The following SLC16A12 variants were observed in gnomAD, a reference collection of about 807,000 sequenced individuals.
SLC16A12 encodes the protein monocarboxylate transporter 12.
A neutral mutation model predicts 42.4 loss-of-function variants in SLC16A12; 17 were observed. The observed-to-expected ratio is 0.40, with a 90% CI of 0.27 to 0.60. SLC16A12 has a LOEUF of 0.60. Ranked by LOEUF, SLC16A12 falls within the 20% of genes least tolerant of loss-of-function variation. SLC16A12 has a pLI of 0.42. For synonymous variants in SLC16A12, 224 were observed against 229.4 expected, an observed-to-expected ratio of 0.98 and a Z score of 0.21; for missense variants, 544 against 623.0, an observed-to-expected ratio of 0.87 and a Z score of 1.35.
chr10:89,556,365 C>T (rs1843815945), intron 1 of SLC16A12, among the ~76,000 whole-genome samples: 1 of 152,168 alleles, frequency 6.6e-6, no homozygotes, highest in Admixed American at 6.5e-5. Flanking sequence ...ATCTCTATCT[C>T]TATCTATCAA....
At chr10:89,489,547 A>G (rs1787606981) in intron 2 of SLC16A12, among the ~76,000 whole-genome samples, 1 of 151,900 alleles carries the variant, frequency 6.6e-6, no homozygotes, top group Non-Finnish European at 1.5e-5. Flanking sequence ...TCCCCATGTT[A>G]CCCAGGCTGG....
chr10:89,508,537 A>C (rs1048219592), intron 2 of SLC16A12, among the ~76,000 whole-genome samples: 3 of 152,134 alleles, frequency 2.0e-5, no homozygotes, highest in African/African-American at 4.8e-5. Flanking sequence ...AATGAGAAAA[A>C]AGACACAACA....
In SLC16A12 at chr10:89,432,391, C is replaced by A. The variant is rs1270683266; in HGVS notation, c.*673G>T. On this transcript the variant is annotated 3_prime_UTR_variant, in exon 8 of 8. Coordinates refer to ENST00000371790, the MANE Select transcript of SLC16A12 (RefSeq NM_213606.4). Reference sequence around the variant, plus strand: ...AGATGCCCTTTAAGATCTATTCCAACCATGGCATTCCATGATTATTTGGAT... The same window carrying A: ...AGATGCCCTTTAAGATCTATTCCAAACATGGCATTCCATGATTATTTGGAT... 6.6e-6 allele frequency: 1 copy of A among 152,200 alleles called. No individual in the cohort carries two copies. The highest frequency in any genetic ancestry group is 1.9e-4 in the East Asian group (1 of 5,202). The allele number at this position is 152,200 out of a possible 1,614,324, so 9.4% of individuals were successfully genotyped here.
At position 89,554,046 on chromosome 10, in the gene SLC16A12, AAGAAAG is replaced by A. The variant is rs1362673971; in HGVS notation, c.-47+1830_-47+1835del. On this transcript the variant is annotated intron_variant, in intron 2 of 2. Transcript: ENST00000475682. ...AAAGAGAGAAAGGAAGAAAGAAAGA[AAGAAAG>A]AAAGAAAGAAAGAAAGAAAGAAAGA... 4.1e-4 allele frequency among the ~76,000 whole-genome samples: 23 copies of A among 55,954 alleles called. 1 individual carries two copies. Among genetic ancestry groups the A allele is most frequent in the African/African-American group, 1.5e-3 (21 of 13,586 alleles). The allele number at this position is 55,954 out of a possible 152,430, so 36.7% of individuals were successfully genotyped here.
chr10:89,514,656 C>A (rs1347570528), intron 2 of SLC16A12, among the ~76,000 whole-genome samples: 1 of 152,220 alleles, frequency 6.6e-6, no homozygotes, highest in Non-Finnish European at 1.5e-5. Context: ...CTAATCACTT[C>A]TCAAAGGCCC....
rs992010183 is a variant in SLC16A12, at chr10:89,507,447, A to G, written c.-47+27054T>C. On this transcript the variant is annotated intron_variant, in intron 2 of 7. Transcript: ENST00000371790. ...ACATTCTTAAAGAAAAGAATTTTCC[A>G]CCCAGAATTTCATATCCAGCCAAAC... Among the ~76,000 whole-genome samples, 11 of 152,366 alleles carry G rather than the reference A, an allele frequency of 7.2e-5. No individual in the cohort carries two copies. In the East Asian group the frequency reaches 1.9e-3, roughly 27 times the overall value.
intron 3 of SLC16A12, among the ~76,000 whole-genome samples, chr10:89,458,254 C>T (rs74894530): frequency 1.8e-4 from 27 of 152,062 alleles, no homozygotes; most frequent in Non-Finnish European, 3.4e-4. Context: ...TCTGGCCAAA[C>T]GAGGCAGGGG....
chr10:89,448,258 A>G (rs1297171373), intron 3 of SLC16A12, among the ~76,000 whole-genome samples: 1 of 152,202 alleles, frequency 6.6e-6, no homozygotes, highest in African/African-American at 2.4e-5. Flanking sequence ...AACTCATTTT[A>G]TGAGGTGAGC....
At chr10:89,519,750 G>A (rs1193816738) in intron 2 of SLC16A12, among the ~76,000 whole-genome samples, 1 of 152,018 alleles carries the variant, frequency 6.6e-6, no homozygotes, top group African/African-American at 2.4e-5. Context: ...GGGGTCCGAG[G>A]AAAAGAATGT....
intron 3 of SLC16A12, 88 bp downstream of exon 3, chr10:89,462,291 A>G (rs1172984597): frequency 2.6e-6 from 4 of 1,565,476 alleles, no homozygotes; most frequent in Admixed American, 1.7e-5. Flanking sequence ...TATCTTCACA[A>G]TGATGGGTTC....
At position 89,520,721 on chromosome 10, in the gene SLC16A12, A is replaced by AG. The variant is rs1491545998; in HGVS notation, c.-47+13779_-47+13780insC. 5.5e-4 allele frequency among the ~76,000 whole-genome samples: 8 copies of AG among 14,586 alleles called. No homozygotes were observed. The African/African-American group carries it at 7.4e-3, about 14-fold the overall frequency. 9.6% of individuals were successfully genotyped at this position (14,586 alleles called of 152,430 possible). A position where few individuals can be genotyped will look rare whatever the true frequency, so the allele number is the denominator to read the frequency against. ...CTGCCATTACTGGGTCACATAGGCC[A>AG]AAAAAAAAAAAAAAAAAAAAATGGA... On this transcript the variant is annotated intron_variant, in intron 2 of 7. Transcript: ENST00000371790.
At chr10:89,520,785 C>T (rs933874889) in intron 2 of SLC16A12, among the ~76,000 whole-genome samples, 2 of 151,732 alleles carry the variant, frequency 1.3e-5, no homozygotes, top group African/African-American at 4.8e-5. Context: ...GTTCTCTGCC[C>T]CTGCCCTTGA....
intron 2 of SLC16A12, among the ~76,000 whole-genome samples, chr10:89,474,991 T>C (rs1411706871): frequency 3.3e-5 from 5 of 152,372 alleles, no homozygotes; most frequent in Admixed American, 2.6e-4. Context: ...TCATGTTGGA[T>C]GTTGTGTCCC....
intron 2 of SLC16A12, among the ~76,000 whole-genome samples, chr10:89,486,406 A>C (rs1842741236): frequency 6.6e-6 from 1 of 152,046 alleles, no homozygotes; most frequent in African/African-American, 2.4e-5. Context: ...TGACTGTGAC[A>C]TGTTATAGAA....
At chr10:89,542,078 G>A (rs916407141) in intron 2 of SLC16A12, among the ~76,000 whole-genome samples, 35 of 152,038 alleles carry the variant, frequency 2.3e-4, no homozygotes, top group African/African-American at 6.5e-4. Context: ...CGAGAGTGGC[G>A]GGCACAGCCT....
intron 2 of SLC16A12, among the ~76,000 whole-genome samples, chr10:89,478,104 G>A (rs1374425227): frequency 6.6e-6 from 1 of 152,182 alleles, no homozygotes; most frequent in African/African-American, 2.4e-5. Context: ...AATAAAGGAA[G>A]TGGAGTGCCT....
intron 2 of SLC16A12, among the ~76,000 whole-genome samples, chr10:89,477,104 G>C (rs1842592932): frequency 6.6e-6 from 1 of 152,178 alleles, no homozygotes; most frequent in Non-Finnish European, 1.5e-5. Context: ...ATTCCTTCAA[G>C]ATACGGATGG....
At chr10:89,493,476 G>A (rs1842878521) in intron 2 of SLC16A12, among the ~76,000 whole-genome samples, 1 of 152,116 alleles carries the variant, frequency 6.6e-6, no homozygotes, top group South Asian at 2.1e-4. Flanking sequence ...GCCCACTTTG[G>A]CCTCCCAAAT....
At chr10:89,436,914 A>AAGAGAAAG (rs796398100) in intron 6 of SLC16A12, among the ~76,000 whole-genome samples, 13 of 136,462 alleles carry the variant, frequency 9.5e-5, no homozygotes, top group Non-Finnish European at 1.3e-4. Context: ...GAAAGAAAGA[A>AAGAGAAAG]AAAGAAAGAG....
Sources: allele counts gnomAD v4.1 joint callset (sites outside exome capture counted in the v4.1 genomes callset), GRCh38; gene constraint gnomAD v4.1.1; transcripts MANE v1.5; gene names NCBI Gene and HGNC (gene_info 2026-07-23, HGNC 2026-07-21).